C5orf52: variants seen among roughly 807,000 people sequenced by gnomAD.
The protein encoded by C5orf52 is chromosome 5 open reading frame 52, also known as uncharacterized protein C5orf52.
Under a neutral mutation model 16.8 loss-of-function variants are expected in C5orf52, and 15 were observed. The ratio of observed to expected loss-of-function variants is 0.89; its 90% CI spans 0.60 to 1.38. The LOEUF (loss-of-function observed/expected upper bound fraction) is 1.38. C5orf52 is among the 40% of genes most tolerant of loss of function. The pLI, the probability that C5orf52 is intolerant of heterozygous loss-of-function variation, is 0.00. For missense variants in C5orf52, 206 were observed against 213.1 expected, an observed-to-expected ratio of 0.97 and a Z score of 0.21; for synonymous variants, 83 against 87.2, an observed-to-expected ratio of 0.95 and a Z score of 0.27.
At chr5:157,674,925 C>A (rs1486404898) in intron 1 of C5orf52, among the ~76,000 whole-genome samples, 167 bp from the exon 2 acceptor site, 1 of 152,166 alleles carries the variant, frequency 6.6e-6, no homozygotes, top group Non-Finnish European at 1.5e-5. Flanking sequence ...TTTTCCACAA[C>A]AAGAAACTGT....
At chr5:157,671,941 A>T in intron 1 of C5orf52, 115 bp downstream of exon 1, 1 of 658,948 alleles carries the variant, frequency 1.5e-6, no homozygotes. Context: ...ACACCCCAGG[A>T]TAGTCGATTT....
chr5:157,673,545 C>T (rs577748608), intron 1 of C5orf52, among the ~76,000 whole-genome samples: 2 of 152,152 alleles, frequency 1.3e-5, no homozygotes, highest in East Asian at 1.9e-4. Context: ...ATACACCACC[C>T]GTGTCTATGT....
At chr5:157,678,849 T>C (rs1216098749) in intron 2 of C5orf52, among the ~76,000 whole-genome samples, 1 of 152,186 alleles carries the variant, frequency 6.6e-6, no homozygotes, top group African/African-American at 2.4e-5. Context: ...TATTTGGGCA[T>C]GTGGGCCGGG....
At chr5:157,676,883 T>C (rs1759905841) in intron 2 of C5orf52, among the ~76,000 whole-genome samples, 1 of 144,824 alleles carries the variant, frequency 6.9e-6, no homozygotes, top group South Asian at 2.2e-4. Flanking sequence ...TTTTTTTTTT[T>C]TTTGAGACAG....
At chr5:157,670,943 C>A (rs1759767229), upstream of C5orf52, among the ~76,000 whole-genome samples, 1 of 152,106 alleles carries the variant, frequency 6.6e-6, no homozygotes, top group African/African-American at 2.4e-5. Context: ...TAAGAGTTAA[C>A]GAGAGCGAGG....
chr5:157,679,714 A>G, intron 2 of C5orf52, 127 bp from the exon 3 acceptor site: 1 of 817,774 alleles, frequency 1.2e-6, no homozygotes, highest in South Asian at 1.9e-5. Context: ...TATGGAATGT[A>G]CATAGGGTCC....
At chr5:157,678,513 G>A (rs1244279603) in intron 2 of C5orf52, among the ~76,000 whole-genome samples, 1 of 152,194 alleles carries the variant, frequency 6.6e-6, no homozygotes, top group African/African-American at 2.4e-5. Context: ...CTGAAGTGCA[G>A]TGGCATAATC....
Position 157,673,166 on chromosome 5 carries a change from T to A in C5orf52, c.212+1340T>A, listed in dbSNP as rs1053391981. Among the ~76,000 whole-genome samples the A allele has an allele frequency of 9.2e-5, 14 of 151,814 alleles. 1 individual carries two copies. Among genetic ancestry groups the A allele is most frequent in the Non-Finnish European group, 1.9e-4 (13 of 67,968 alleles). ...CAGTCAGGTCAACATGGCGAAACCC[T>A]GTCTCTACCAAAAATGCAAAAAATT... On this transcript the variant is annotated intron_variant, in intron 1 of 2. Transcript: ENST00000409999.
At position 157,675,169 on chromosome 5, in the gene C5orf52, A is replaced by T. The variant is rs1478124796; in HGVS notation, c.290A>T (p.Asn97Ile). The T allele has an allele frequency of 7.1e-6, 11 of 1,550,622 alleles. No homozygotes were observed. The Admixed American group carries it at 1.6e-4, about 22-fold the overall frequency. ...TTATCTCGGGTGATTATTCATGATA[A>T]CCGCATCACACAACGAATCTATGAG... ...SHLSRVIIHDNRITQRIYEME... is the reference protein window; with the variant it reads ...SHLSRVIIHDIRITQRIYEME... Residue 97 changes from asparagine (N) to isoleucine (I), a missense_variant, in exon 2 of 3, where the codon AAC (asparagine) becomes ATC (isoleucine). Physicochemically the swap from Asn to Ile is moderately radical, Grantham distance 149. Coordinates refer to ENST00000409999, the MANE Select transcript of C5orf52 (RefSeq NM_001145132.2).
At chr5:157,677,327 A>G (rs1419465653) in intron 2 of C5orf52, among the ~76,000 whole-genome samples, 2 of 152,292 alleles carry the variant, frequency 1.3e-5, no homozygotes. Context: ...TCAAGGTAAA[A>G]TCACTAGTTG....
chr5:157,675,974 A>G (rs1759886967), intron 2 of C5orf52, among the ~76,000 whole-genome samples: 2 of 152,082 alleles, frequency 1.3e-5, no homozygotes, highest in Non-Finnish European at 2.9e-5. Flanking sequence ...TGGGACAGGT[A>G]CTGTGTTGGG....
chr5:157,675,359 G>A (rs937479711), intron 2 of C5orf52, among the ~76,000 whole-genome samples, 159 bp downstream of exon 2: 11 of 152,142 alleles, frequency 7.2e-5, no homozygotes, highest in South Asian at 2.1e-4. Flanking sequence ...GATACTCGGG[G>A]TTACTGACTT....
chr5:157,676,279 G>A (rs1759892893), intron 2 of C5orf52, among the ~76,000 whole-genome samples: 1 of 152,004 alleles, frequency 6.6e-6, no homozygotes, highest in Non-Finnish European at 1.5e-5. Context: ...CACCATGTTG[G>A]CCAGGCTGGT....
At chr5:157,672,165 T>C (rs1225175799) in intron 1 of C5orf52, among the ~76,000 whole-genome samples, 1 of 152,144 alleles carries the variant, frequency 6.6e-6, no homozygotes, top group Non-Finnish European at 1.5e-5. Flanking sequence ...CCTAGGGGGA[T>C]GAGCCCTGAC....
intron 1 of C5orf52, among the ~76,000 whole-genome samples, chr5:157,674,772 A>C (rs571276904): frequency 6.6e-6 from 1 of 152,222 alleles, no homozygotes; most frequent in Non-Finnish European, 1.5e-5. Flanking sequence ...CCTCAAAAAA[A>C]CAAAAAACAC....
chr5:157,675,505 CAA>C, intron 2 of C5orf52, among the ~76,000 whole-genome samples: 1 of 152,152 alleles, frequency 6.6e-6, no homozygotes, highest in East Asian at 1.9e-4. Context: ...TTCTCCCATA[CAA>C]AGTCTTGGGT....
chr5:157,679,001 G>A (rs1223041275), intron 2 of C5orf52, among the ~76,000 whole-genome samples: 6 of 151,932 alleles, frequency 3.9e-5, no homozygotes, highest in African/African-American at 1.2e-4. Flanking sequence ...AGGTGTGGTG[G>A]CGGGCGCATG....
At position 157,679,836 on chromosome 5, in the gene C5orf52, G is replaced by A. The variant is rs1310243902; in HGVS notation, c.322-5G>A. ...GATCCTAACCTCACCTCTGTTTTTT[G>A]TAAGGTGAGCGCTTTAGAGAAGACC... On this transcript the variant is annotated splice_polypyrimidine_tract_variant and splice_region_variant and intron_variant, in intron 2 of 2. Transcript: ENST00000409999. The A allele has an allele frequency of 7.8e-6, 12 of 1,541,846 alleles. No homozygotes were observed. In the East Asian group the frequency reaches 2.4e-4, roughly 31 times the overall value.
At chr5:157,677,147 G>C (rs1759910554) in intron 2 of C5orf52, among the ~76,000 whole-genome samples, 1 of 152,110 alleles carries the variant, frequency 6.6e-6, no homozygotes, top group Admixed American at 6.6e-5. Flanking sequence ...TGGCATTATA[G>C]GCATGTTCCA....
Sources: gnomAD v4.1 joint callset for allele counts (sites outside exome capture counted in the v4.1 genomes callset) on GRCh38, gnomAD v4.1.1 for gene constraint, MANE v1.5 for transcripts, NCBI Gene and HGNC (gene_info 2026-07-23, HGNC 2026-07-21) for gene names.